Variants in RPL15 observed in about 807,000 individuals in gnomAD.
The protein encoded by RPL15 is ribosomal protein L15.
For missense variants in RPL15, 161 were observed against 271.8 expected, an observed-to-expected ratio of 0.59 and a Z score of 2.87; for synonymous variants, 97 against 95.1, an observed-to-expected ratio of 1.02 and a Z score of -0.12.
At chr3:23,918,188 G>A in intron 2 of RPL15, 157 bp downstream of exon 2, 3 of 1,021,578 alleles carry the variant, frequency 2.9e-6, no homozygotes, top group Non-Finnish European at 4.2e-6. Context: ...ATGCACTGTT[G>A]TCTAAAGTGG....
chr3:23,921,659 C>CT, downstream of RPL15: 1 of 651,020 alleles, frequency 1.5e-6, no homozygotes, highest in Non-Finnish European at 2.8e-6. Flanking sequence ...ACTGCAACCT[C>CT]TGTCTCCCGG....
Position 23,920,322 on chromosome 3 carries a change from A to G in RPL15, c.*821A>G, listed in dbSNP as rs1278885473. On this transcript the variant is annotated 3_prime_UTR_variant, in exon 4 of 4. Coordinates refer to ENST00000307839, the MANE Select transcript of RPL15 (RefSeq NM_002948.5). Reference sequence around the variant, plus strand: ...TCTTAGTCCAGTCAGTCTTAAAAACATCTTGGGTTACCCACTCTGTCCACT... The same window carrying G: ...TCTTAGTCCAGTCAGTCTTAAAAACGTCTTGGGTTACCCACTCTGTCCACT... 1 of 985,622 alleles carries G rather than the reference A, an allele frequency of 1.0e-6. No individual in the cohort carries two copies. The highest frequency in any genetic ancestry group is 1.2e-6 in the Non-Finnish European group (1 of 829,936). The allele number at this position is 985,622 out of a possible 1,614,324, so 61.1% of individuals were successfully genotyped here.
rs72627083 is a variant in RPL15, at chr3:23,919,726, G to C, written c.*225G>C. On this transcript the variant is annotated 3_prime_UTR_variant, in exon 4 of 4. Transcript: ENST00000307839. ...CTTTGCTTTATCTTATTAGGGAGTT[G>C]TATGTCAGTGTATAAAACATACTGT... 1.5e-6 allele frequency: 2 copies of C among 1,346,524 alleles called. No homozygotes were observed. Among genetic ancestry groups the C allele is most frequent in the Non-Finnish European group, 1.9e-6 (2 of 1,052,266 alleles). The allele number at this position is 1,346,524 out of a possible 1,614,324, so 83.4% of individuals were successfully genotyped here.
chr3:23,918,735 A>G (rs1413863584), intron 3 of RPL15, 159 bp downstream of exon 3: 1 of 860,832 alleles, frequency 1.2e-6, no homozygotes, highest in East Asian at 2.6e-5. Flanking sequence ...TGCTTGAAAG[A>G]CTTGTCTTTG....
chr3:23,923,803 C>T (rs1705158976), downstream of RPL15: 1 of 152,160 alleles, frequency 6.6e-6, no homozygotes, highest in East Asian at 1.9e-4. Flanking sequence ...TAGGAGAGGA[C>T]TTGTTTATCC....
At chr3:23,917,601 T>G in intron 1 of RPL15, 1 of 426,854 alleles carries the variant, frequency 2.3e-6, no homozygotes, top group East Asian at 4.7e-5. Context: ...TGGTGCTCAG[T>G]TCTGGTTCTG....
chr3:23,921,892 A>G, downstream of RPL15: 1 of 434,448 alleles, frequency 2.3e-6, no homozygotes, highest in Non-Finnish European at 4.1e-6. Context: ...TATTTTTTGT[A>G]CAGACAGGAT....
chr3:23,919,641 TA>T lies in RPL15; in HGVS notation c.*142del, dbSNP rs906165994. On this transcript the variant is annotated 3_prime_UTR_variant, in exon 4 of 4. Transcript: ENST00000307839. Reference sequence around the variant, plus strand: ...TCAAATTAAGAAAGTTAAAGTGCAATAATGTTTGAAGACAATAAGTGGTGGT... The same window carrying T: ...TCAAATTAAGAAAGTTAAAGTGCAATATGTTTGAAGACAATAAGTGGTGGT... The T allele has an allele frequency of 1.4e-6, 2 of 1,421,260 alleles. No individual in the cohort carries two copies. Among genetic ancestry groups the T allele is most frequent in the African/African-American group, 2.9e-5 (2 of 69,570 alleles). The allele number at this position is 1,421,260 out of a possible 1,614,324, so 88.0% of individuals were successfully genotyped here.
At chr3:23,918,820 A>C (rs1704878007) in intron 3 of RPL15, 3 of 555,436 alleles carry the variant, frequency 5.4e-6, no homozygotes. Context: ...TGCAGAAGAG[A>C]CCAAATGTGG....
chr3:23,923,424 G>A (rs1047931747), downstream of RPL15: 1 of 151,992 alleles, frequency 6.6e-6, no homozygotes, highest in African/African-American at 2.4e-5. Flanking sequence ...TCACCATTTT[G>A]GCCAAGCTGG....
Position 23,920,526 on chromosome 3 carries a change from A to G in RPL15, c.*1025A>G, listed in dbSNP as rs1705018907. On this transcript the variant is annotated 3_prime_UTR_variant, in exon 4 of 4. Coordinates refer to ENST00000307839, the MANE Select transcript of RPL15 (RefSeq NM_002948.5). ...ACCACCACATTGCATTTCTGTTTGC[A>G]CCATGTCTTCCAGGAGACTAGACTA... 7.1e-6 allele frequency: 7 copies of G among 985,222 alleles called. No individual in the cohort carries two copies. The highest frequency in any genetic ancestry group is 1.7e-5 in the African/African-American group (1 of 57,226). 61.0% of individuals were successfully genotyped at this position (985,222 alleles called of 1,614,324 possible).
chr3:23,916,924 C>G (rs1042950150), upstream of RPL15: 2 of 152,716 alleles, frequency 1.3e-5, no homozygotes, highest in African/African-American at 2.4e-5. Flanking sequence ...TCGCCGCCAA[C>G]TCTCTCACCT....
At position 23,919,672 on chromosome 3, in the gene RPL15, C is replaced by T; in HGVS notation, c.*171C>T. The T allele has an allele frequency of 7.1e-6, 10 of 1,399,940 alleles. No homozygotes were observed. Among genetic ancestry groups the T allele is most frequent in the Non-Finnish European group, 9.2e-6 (10 of 1,082,452 alleles). The allele number at this position is 1,399,940 out of a possible 1,614,324, so 86.7% of individuals were successfully genotyped here. On this transcript the variant is annotated 3_prime_UTR_variant, in exon 4 of 4. Coordinates refer to ENST00000307839, the MANE Select transcript of RPL15 (RefSeq NM_002948.5). ...TTGAAGACAATAAGTGGTGGTGTAT[C>T]TTGTTTCTAATAAGATAAACTTTTT...
At chr3:23,921,569 A>C, downstream of RPL15, 1 of 512,710 alleles carries the variant, frequency 2.0e-6, no homozygotes, top group Non-Finnish European at 3.4e-6. Flanking sequence ...TTGATTATTG[A>C]GTTTTTTTTT....
intron 2 of RPL15, chr3:23,918,233 C>A (rs1350857031): frequency 2.2e-6 from 2 of 906,238 alleles, no homozygotes; most frequent in African/African-American, 1.7e-5. Flanking sequence ...TGAATGAGTT[C>A]AGACTAAAGC....
chr3:23,918,770 G>A (rs1376898899), intron 3 of RPL15, 194 bp downstream of exon 3: 1 of 671,766 alleles, frequency 1.5e-6, no homozygotes, highest in African/African-American at 1.8e-5. Context: ...GTATATACTG[G>A]AAGTACTTGT....
chr3:23,921,296 C>T (rs1705067476), downstream of RPL15, among the ~76,000 whole-genome samples: 1 of 152,176 alleles, frequency 6.6e-6, no homozygotes, highest in African/African-American at 2.4e-5. Context: ...TCATGGCACT[C>T]CCGTGCAAAA....
In RPL15 at chr3:23,920,798, T is replaced by A; in HGVS notation, c.*1297T>A. On this transcript the variant is annotated 3_prime_UTR_variant, in exon 4 of 4. Transcript: ENST00000307839. ...GATCTTAAGTCATACATTTTAATTG[T>A]GTAGAGGTTGTTCAACTGAAGGAAT... 1.0e-6 allele frequency: 1 copy of A among 957,360 alleles called. No individual in the cohort carries two copies. The highest frequency in any genetic ancestry group is 1.2e-6 in the Non-Finnish European group (1 of 804,384). 59.3% of individuals were successfully genotyped at this position (957,360 alleles called of 1,614,324 possible). A position where few individuals can be genotyped will look rare whatever the true frequency, so the allele number is the denominator to read the frequency against.
downstream of RPL15, chr3:23,921,577 T>TG: frequency 3.0e-6 from 2 of 661,020 alleles, no homozygotes; most frequent in Admixed American, 2.3e-5. Flanking sequence ...TGAGTTTTTT[T>TG]TTTTTTTTTT....
Sources: allele counts gnomAD v4.1 joint callset (sites outside exome capture counted in the v4.1 genomes callset), GRCh38; gene constraint gnomAD v4.1.1; transcripts MANE v1.5; gene names NCBI Gene and HGNC (gene_info 2026-07-23, HGNC 2026-07-21).